Variants in CEP57L1 observed in about 807,000 individuals in gnomAD.
CEP57L1 encodes centrosomal protein 57 like 1.
CEP57L1 carries 37 observed loss-of-function variants against 61.0 expected under a neutral mutation model. The observed-to-expected ratio is 0.61, with a 90% confidence interval of 0.47 to 0.80. CEP57L1 has a LOEUF of 0.80. Among genes scored for constraint, CEP57L1 ranks in the 30% least tolerant of loss-of-function variants. The pLI, the probability that CEP57L1 is intolerant of heterozygous loss-of-function variation, is 0.00. For synonymous variants in CEP57L1, 137 were observed against 162.3 expected (o/e 0.84, Z 1.19); for missense variants, 422 against 524.7 (o/e 0.80, Z 1.91).
intron 5 of CEP57L1, among the ~76,000 whole-genome samples, chr6:109,154,700 C>T (rs1389668401): frequency 6.6e-6 from 1 of 151,964 alleles, no homozygotes; most frequent in African/African-American, 2.4e-5. Context: ...TGAAAATATT[C>T]CAAAATCTAA....
intron 1 of CEP57L1, chr6:109,130,725 C>G (rs1369359223): frequency 6.9e-6 from 1 of 144,118 alleles, no homozygotes; most frequent in East Asian, 2.1e-4. Context: ...TGTGGTGTCT[C>G]TCATGTTGAG....
intron 1 of CEP57L1, among the ~76,000 whole-genome samples, chr6:109,142,235 G>GA (rs1262284816): frequency 6.6e-6 from 1 of 152,122 alleles, no homozygotes; most frequent in African/African-American, 2.4e-5. Flanking sequence ...TGATAGACTA[G>GA]ATAAAGAAAA....
chr6:109,125,100 G>C (rs1773389235), intron 1 of CEP57L1: 2 of 152,286 alleles, frequency 1.3e-5, no homozygotes, highest in Non-Finnish European at 2.9e-5. Context: ...GGATAGTCTG[G>C]AACTTTCCAG....
intron 6 of CEP57L1, 53 bp downstream of exon 6, chr6:109,155,360 A>G: frequency 1.0e-6 from 1 of 973,982 alleles, no homozygotes; most frequent in Non-Finnish European, 1.5e-6. Context: ...GTTTTATTAT[A>G]TTTTTATTTT....
chr6:109,149,928 A>T (rs1772409165), intron 3 of CEP57L1, among the ~76,000 whole-genome samples, 190 bp from the exon 4 acceptor site: 1 of 151,990 alleles, frequency 6.6e-6, no homozygotes, highest in Non-Finnish European at 1.5e-5. Context: ...TTTGTCTGTT[A>T]TTGGTGTATA....
intron 1 of CEP57L1, among the ~76,000 whole-genome samples, chr6:109,124,026 G>A (rs1053799163): frequency 2.0e-5 from 3 of 151,352 alleles, no homozygotes; most frequent in East Asian, 3.9e-4. Context: ...AACCAAGATC[G>A]CACCATTGCA....
intron 1 of CEP57L1, among the ~76,000 whole-genome samples, chr6:109,133,356 A>G (rs1774415678): frequency 6.6e-6 from 1 of 152,130 alleles, no homozygotes; most frequent in South Asian, 2.1e-4. Flanking sequence ...TGCGCAGTTC[A>G]CAATAGGGTT....
chr6:109,150,365 A>G, intron 4 of CEP57L1, 126 bp downstream of exon 4: 4 of 1,122,418 alleles, frequency 3.6e-6, no homozygotes, highest in Non-Finnish European at 5.1e-6. Context: ...CTTACGTGTA[A>G]TTGGAGTTTC....
Position 109,159,323 on chromosome 6 carries a change from A to G in CEP57L1, c.877A>G (p.Thr293Ala). The G allele has an allele frequency of 6.2e-7, 1 of 1,614,102 alleles. No individual in the cohort carries two copies. ...TCAGAAACCTTTTAACGTGACTGAG[A>G]CTAGATGTCTCCCCAAGCCTTCTAG... ...ILQKPFNVTE[T>A]RCLPKPSRTT... The change falls in exon 9 of 11, where the codon ACT becomes GCT. Residue 293 changes from threonine to alanine, a missense_variant. By Grantham distance (58) the Thr-to-Ala change is moderately conservative (BLOSUM62 0). Coordinates refer to ENST00000517392, the MANE Select transcript of CEP57L1 (RefSeq NM_001271852.3).
chr6:109,142,958 TC>T (rs1771563148), intron 1 of CEP57L1, among the ~76,000 whole-genome samples: 1 of 55,952 alleles, frequency 1.8e-5, no homozygotes, highest in African/African-American at 8.2e-5. Flanking sequence ...TCTCTCTCTC[TC>T]TCTCTCTCTC....
At chr6:109,134,166 TA>T (rs1025589729) in intron 1 of CEP57L1, among the ~76,000 whole-genome samples, 4 of 152,206 alleles carry the variant, frequency 2.6e-5, no homozygotes, top group African/African-American at 7.2e-5. Context: ...ATCCTCAATA[TA>T]ATACTGGCAA....
chr6:109,131,955 TC>T (rs1774250223), intron 1 of CEP57L1, among the ~76,000 whole-genome samples: 3 of 152,118 alleles, frequency 2.0e-5, no homozygotes, highest in Admixed American at 6.6e-5. Flanking sequence ...GTGTGAATCA[TC>T]CCCTGTGGAT....
chr6:109,150,605 T>C (rs1297563813), intron 4 of CEP57L1, among the ~76,000 whole-genome samples: 5 of 148,762 alleles, frequency 3.4e-5, no homozygotes, highest in Non-Finnish European at 7.4e-5. Flanking sequence ...GAGGTTGCAG[T>C]GAGCTGAGAT....
At chr6:109,146,561 T>C (rs1473294278) in intron 2 of CEP57L1, among the ~76,000 whole-genome samples, 197 bp from the exon 3 acceptor site, 1 of 152,052 alleles carries the variant, frequency 6.6e-6, no homozygotes, top group African/African-American at 2.4e-5. Context: ...ATAGTGTTTT[T>C]ACAAGATATA....
chr6:109,135,722 AAAAC>A (rs1247645535), intron 1 of CEP57L1, among the ~76,000 whole-genome samples: 3 of 152,228 alleles, frequency 2.0e-5, no homozygotes, highest in East Asian at 1.9e-4. Context: ...TTACAAGAAA[AAAAC>A]AAACAGCCGC....
rs367777684 is a variant in CEP57L1, at chr6:109,171,379, C to G, written c.*8409C>G. ...TCAGCCTCCCAAGTAGCTGGGATTACAGGCATGCGTCACCACACCCGGCTG... is the reference window on the plus strand; with the variant it reads ...TCAGCCTCCCAAGTAGCTGGGATTAGAGGCATGCGTCACCACACCCGGCTG... On this transcript the variant is annotated 3_prime_UTR_variant, in exon 11 of 11. Coordinates refer to ENST00000517392, the MANE Select transcript of CEP57L1 (RefSeq NM_001271852.3). 6.6e-6 allele frequency among the ~76,000 whole-genome samples: 1 copy of G among 151,744 alleles called. No homozygotes were observed. Among genetic ancestry groups the G allele is most frequent in the African/African-American group, 2.4e-5 (1 of 41,278 alleles).
At chr6:109,160,449 T>G in intron 9 of CEP57L1, 123 bp from the exon 10 acceptor site, 1 of 699,782 alleles carries the variant, frequency 1.4e-6, no homozygotes. Flanking sequence ...AAAGAGGCTG[T>G]TTTTAAAGGT....
intron 9 of CEP57L1, among the ~76,000 whole-genome samples, chr6:109,159,737 T>C (rs1211987387): frequency 1.3e-5 from 2 of 152,224 alleles, no homozygotes; most frequent in Non-Finnish European, 2.9e-5. Flanking sequence ...CTATTTTTCA[T>C]TGTATTTATT....
rs531284679 is a variant in CEP57L1 at position 109,109,905 on chromosome 6, T to C, written c.-4+14330T>C. ...TATGGCTGCATAGTATTCCATGGTG[T>C]ATACGTGCCACATTTTCCTTATCTA... On this transcript the variant is annotated intron_variant, in intron 1 of 10. Coordinates refer to ENST00000517392, the MANE Select transcript of CEP57L1 (RefSeq NM_001271852.3). Among the ~76,000 whole-genome samples, 5 of 152,354 alleles carry C rather than the reference T, an allele frequency of 3.3e-5. No homozygotes were observed. The South Asian group carries it at 8.3e-4, about 25-fold the overall frequency.
Sources: gnomAD v4.1 joint callset for allele counts (sites outside exome capture counted in the v4.1 genomes callset) on GRCh38, gnomAD v4.1.1 for gene constraint, MANE v1.5 for transcripts, NCBI Gene and HGNC (gene_info 2026-07-23, HGNC 2026-07-21) for gene names.